The following DOCK8 variants were observed in gnomAD, a reference collection of about 807,000 sequenced individuals.
DOCK8 encodes dedicator of cytokinesis protein 8.
DOCK8 carries 141 observed loss-of-function variants against 245.6 expected under a neutral mutation model. That is an observed-to-expected ratio of 0.57 (90% CI 0.50 to 0.66). The LOEUF is 0.66. Ranked by LOEUF, DOCK8 falls within the 30% of genes least tolerant of loss-of-function variation. The pLI is 0.00. For missense variants in DOCK8, 2,965 were observed against 2,603.4 expected, an observed-to-expected ratio of 1.14 and a Z score of -3.02; for synonymous variants, 1,168 against 970.2, an observed-to-expected ratio of 1.20 and a Z score of -3.79.
intron 1 of DOCK8, among the ~76,000 whole-genome samples, chr9:266,708 G>A (rs11788947): frequency 0.12 from 17,512 of 152,104 alleles, 1,059 homozygotes; most frequent in African/African-American, 0.15. Flanking sequence ...CTTACCACCA[G>A]TCCATCACCA....
chr9:223,706 A>G (rs1056858288), intron 1 of DOCK8, among the ~76,000 whole-genome samples: 2 of 151,962 alleles, frequency 1.3e-5, no homozygotes, highest in African/African-American at 4.8e-5. Context: ...TATGGCAAGT[A>G]TCTAAAGGTC....
intron 1 of DOCK8, among the ~76,000 whole-genome samples, chr9:259,252 G>T (rs1202394162): frequency 1.3e-5 from 2 of 152,094 alleles, no homozygotes; most frequent in African/African-American, 4.8e-5. Flanking sequence ...GCAGTGAGCT[G>T]TGATCTCGCC....
At chr9:420,638 T>G in intron 31 of DOCK8, 55 bp downstream of exon 31, 3 of 1,606,498 alleles carry the variant, frequency 1.9e-6, no homozygotes, top group Non-Finnish European at 2.6e-6. Flanking sequence ...ATTGCAATTC[T>G]GTCTTCTTAC....
chr9:311,989 G>A lies in DOCK8; in HGVS notation c.564G>A (p.Val188=), dbSNP rs962197023. ...GCCACTTAAACGTGCTGTGCGACGTGTCTGGGAAAGGCCCCGTCACTGCCT... is the reference window on the plus strand; with the variant it reads ...GCCACTTAAACGTGCTGTGCGACGTATCTGGGAAAGGCCCCGTCACTGCCT... ...GPRHLNVLCD[V]SGKGPVTACD... Residue 188 remains valine, a synonymous_variant, in exon 6 of 48, where the codon GTG becomes GTA. Coordinates refer to ENST00000432829, the MANE Select transcript of DOCK8 (RefSeq NM_203447.4). The A allele has an allele frequency of 2.5e-6, 4 of 1,614,170 alleles. No individual in the cohort carries two copies. The South Asian group carries it at 3.3e-5, about 13-fold the overall frequency.
At chr9:460,214 G>A (rs139440531) in intron 46 of DOCK8, 1 of 152,162 alleles carries the variant, frequency 6.6e-6, no homozygotes, top group East Asian at 1.9e-4. Context: ...TGTTTCAACC[G>A]CAGTTGTCTG....
In DOCK8 at chr9:420,579, A is replaced by G. The variant is rs116920018; in HGVS notation, c.4019A>G (p.Tyr1340Cys). The G allele has an allele frequency of 3.6e-3, 5,768 of 1,614,156 alleles. 21 individuals are homozygous for G. The highest frequency in any genetic ancestry group is 4.1e-3 in the Non-Finnish European group (4,793 of 1,180,032). The change falls in exon 31 of 48, where the codon TAT becomes TGT. Residue 1340 changes from tyrosine (Y) to cysteine (C), a missense_variant. By Grantham distance (194) the Tyr-to-Cys change is radical (BLOSUM62 -2). Around this residue, in one of 3 missense-constraint regions of DOCK8, gnomAD observed 2,825 missense variants for 2,453.5 expected, o/e 1.15. Transcript: ENST00000432829. ...LLFICVLCFE[Y>C]KGKQSSDKVS... is the part of the protein sequence containing the mutation. ...TTCATCTGTGTGTTATGTTTTGAGT[A>G]TAAGGTAAGTCTGGAGTGGCACAAC...
At chr9:431,946 G>A (rs375402041) in intron 36 of DOCK8, among the ~76,000 whole-genome samples, 23 of 152,322 alleles carry the variant, frequency 1.5e-4, no homozygotes, top group African/African-American at 5.3e-4. Flanking sequence ...AAGGGAGCCT[G>A]ACAGATTTAT....
chr9:312,775 T>A (rs2050182099), intron 6 of DOCK8: 2 of 317,516 alleles, frequency 6.3e-6, no homozygotes, highest in African/African-American at 4.4e-5. Context: ...TTGGATGAAA[T>A]GAGAGGTGAC....
chr9:332,339 A>G (rs1460425990), intron 9 of DOCK8, 59 bp from the exon 10 acceptor site: 20 of 1,178,716 alleles, frequency 1.7e-5, no homozygotes, highest in Non-Finnish European at 2.5e-5. Flanking sequence ...ATGGTTGCAT[A>G]GATTCCTTTT....
At chr9:406,143 C>T (rs1352521067) in intron 27 of DOCK8, among the ~76,000 whole-genome samples, 1 of 152,194 alleles carries the variant, frequency 6.6e-6, no homozygotes, top group African/African-American at 2.4e-5. Context: ...CCCTCCCTGA[C>T]ATCACTTGTA....
intron 14 of DOCK8, among the ~76,000 whole-genome samples, chr9:356,615 C>T (rs1409083762): frequency 1.3e-5 from 2 of 151,964 alleles, no homozygotes; most frequent in African/African-American, 4.8e-5. Flanking sequence ...TCTAAGCATC[C>T]AGATCTTCCC....
upstream of DOCK8, among the ~76,000 whole-genome samples, chr9:212,467 G>T (rs2046635472): frequency 6.6e-6 from 1 of 152,216 alleles, no homozygotes; most frequent in Non-Finnish European, 1.5e-5. Context: ...TCTGGACAGA[G>T]GGCTGATGGA....
At chr9:241,750 G>C (rs563661806) in intron 1 of DOCK8, among the ~76,000 whole-genome samples, 31 of 152,272 alleles carry the variant, frequency 2.0e-4, no homozygotes, top group African/African-American at 7.5e-4. Flanking sequence ...GAGTGGGATT[G>C]CTAGATCATA....
chr9:382,108 C>G (rs2053743808), intron 21 of DOCK8, among the ~76,000 whole-genome samples: 1 of 152,176 alleles, frequency 6.6e-6, no homozygotes, highest in Non-Finnish European at 1.5e-5. Context: ...ATTTTTGAAT[C>G]TGAGAAAACC....
chr9:340,093 A>G (rs944227125), intron 13 of DOCK8, 66 bp from the exon 14 acceptor site: 51 of 1,562,230 alleles, frequency 3.3e-5, no homozygotes, highest in African/African-American at 1.8e-4. Flanking sequence ...CAGTGCAACA[A>G]TCTTTCTTGA....
chr9:433,005 A>G (rs2056772468), intron 37 of DOCK8, among the ~76,000 whole-genome samples: 1 of 152,208 alleles, frequency 6.6e-6, no homozygotes, highest in African/African-American at 2.4e-5. Context: ...GAATGAATGA[A>G]TGAATGTTTT....
At chr9:340,633 A>T (rs2051541379) in intron 14 of DOCK8, 1 of 226,692 alleles carries the variant, frequency 4.4e-6, no homozygotes, top group Admixed American at 5.2e-5. Flanking sequence ...AAAAAAAAGA[A>T]AAAAAGAAAA....
chr9:227,038 A>G (rs1563822114), intron 1 of DOCK8, among the ~76,000 whole-genome samples: 1 of 152,214 alleles, frequency 6.6e-6, no homozygotes, highest in Non-Finnish European at 1.5e-5. Context: ...AGAAGGACAT[A>G]CGCCAATATG....
chr9:330,569 T>C (rs1025790255), intron 9 of DOCK8, among the ~76,000 whole-genome samples: 4 of 152,142 alleles, frequency 2.6e-5, no homozygotes, highest in African/African-American at 9.7e-5. Flanking sequence ...CCTGAGTGGT[T>C]TTGAAGAAAA....
Sources: gnomAD v4.1 joint callset for allele counts (sites outside exome capture counted in the v4.1 genomes callset) on GRCh38, gnomAD v4.1.1 for gene constraint, gnomAD v4.1.1 regional missense constraint, MANE v1.5 for transcripts, NCBI Gene and HGNC (gene_info 2026-07-23, HGNC 2026-07-21) for gene names.